The following GALNT15 variants were observed in gnomAD, a reference collection of about 807,000 sequenced individuals.
GALNT15 encodes the protein polypeptide N-acetylgalactosaminyltransferase 15.
Under a neutral mutation model 66.8 loss-of-function variants are expected in GALNT15, and 67 were observed. That is an observed-to-expected ratio of 1.00 (90% CI 0.82 to 1.23). The LOEUF (loss-of-function observed/expected upper bound fraction) is 1.23. Ranked by LOEUF, GALNT15 falls within the 50% of genes most tolerant of loss-of-function variation. GALNT15 has a pLI of 0.00. For synonymous variants in GALNT15, 313 were observed against 311.5 expected, an observed-to-expected ratio of 1.00 and a Z score of -0.05; for missense variants, 827 against 804.3, an observed-to-expected ratio of 1.03 and a Z score of -0.34.
chr3:16,244,371 G>A, the GALNT15 span, among the ~76,000 whole-genome samples: 630 of 152,296 alleles, frequency 4.1e-3, 4 homozygotes, highest in African/African-American at 0.014. Context: ...AGGAAGGAGA[G>A]GAACAGGCAT....
Position 16,211,159 on chromosome 3 carries a change from A to C in GALNT15, c.1115A>C (p.Asp372Ala). 6.2e-7 allele frequency: 1 copy of C among 1,613,900 alleles called. No individual in the cohort carries two copies. The highest frequency in any genetic ancestry group is 8.5e-7 in the Non-Finnish European group (1 of 1,179,902). ...GTGCCCGGAGAGGTGGTGGCCATGG[A>C]CAGACATTACTTCCAAAACACTGGA... ...PVVPGEVVAM[D>A]RHYFQNTGAY... is the part of the protein sequence containing the mutation. Residue 372 changes from aspartate (D) to alanine (A), a missense_variant, in exon 5 of 10, where the codon GAC becomes GCC. By Grantham distance (126) the Asp-to-Ala change is moderately radical. Transcript: ENST00000339732. This position sits in a 1 kb window ranked among gnomAD's most constrained non-coding sequence, Gnocchi z 4.3.
At chr3:16,201,328 C>A (rs887804266) in intron 3 of GALNT15, among the ~76,000 whole-genome samples, 8 of 152,098 alleles carry the variant, frequency 5.3e-5, no homozygotes, top group Non-Finnish European at 1.2e-4. Flanking sequence ...ACTACAGGCG[C>A]CCGCCACCAC....
Position 16,183,471 on chromosome 3 carries a change from T to C in GALNT15, c.539+7781T>C, listed in dbSNP as rs2063488982. ...TTGGCTCTGTGGGATTACTCCCCTGTTAATCTTGACAACCAACTTACACAC... is the reference window on the plus strand; with the variant it reads ...TTGGCTCTGTGGGATTACTCCCCTGCTAATCTTGACAACCAACTTACACAC... On this transcript the variant is annotated intron_variant, in intron 1 of 9. Coordinates refer to ENST00000339732, the MANE Select transcript of GALNT15 (RefSeq NM_054110.5). This position sits in a 1 kb window ranked among gnomAD's most constrained non-coding sequence, Gnocchi z 5.2. 6.6e-6 allele frequency among the ~76,000 whole-genome samples: 1 copy of C among 152,248 alleles called. No homozygotes were observed. The highest frequency in any genetic ancestry group is 6.5e-5 in the Admixed American group (1 of 15,290).
Position 16,200,896 on chromosome 3 carries a change from A to C in GALNT15, c.911+73A>C. 2 of 1,148,206 alleles carry C rather than the reference A, an allele frequency of 1.7e-6. No individual in the cohort carries two copies. The highest frequency in any genetic ancestry group is 1.2e-6 in the Non-Finnish European group (1 of 819,780). 71.1% of individuals were successfully genotyped at this position (1,148,206 alleles called of 1,614,324 possible). A position where few individuals can be genotyped will look rare whatever the true frequency, so the allele number is the denominator to read the frequency against. ...ACAGTCTACAGCATCAGCCACTCAC[A>C]GAGCAACCCACCTATTAATTCCTGA... On this transcript the variant is annotated intron_variant, in intron 3 of 9. Transcript: ENST00000339732. The surrounding 1 kb of genome is among the most constrained non-coding windows in gnomAD (Gnocchi z 4.4).
the GALNT15 span, among the ~76,000 whole-genome samples, chr3:16,240,807 C>A: frequency 5.3e-5 from 8 of 152,182 alleles, no homozygotes; most frequent in Non-Finnish European, 8.8e-5. Flanking sequence ...GACTCCGCAT[C>A]ACCTTCAGAG....
At chr3:16,240,465 G>A in the GALNT15 span, among the ~76,000 whole-genome samples, 3 of 152,112 alleles carry the variant, frequency 2.0e-5, no homozygotes, top group East Asian at 3.9e-4. Context: ...TGGACTCCCT[G>A]GTTTCTGGGA....
At position 16,224,481 on chromosome 3, in the gene GALNT15, A is replaced by G. The variant is rs771273113; in HGVS notation, c.1773+1723A>G. ...AGTCAAATTAATAGAAACAGAAAGT[A>G]AAATAGTGGTTACCAGAGGCAGGCA... On this transcript the variant is annotated intron_variant, in intron 9 of 9. Coordinates refer to ENST00000339732, the MANE Select transcript of GALNT15 (RefSeq NM_054110.5). This position sits in a 1 kb window ranked among gnomAD's most constrained non-coding sequence, Gnocchi z 5.2. 6.6e-6 allele frequency among the ~76,000 whole-genome samples: 1 copy of G among 152,196 alleles called. No homozygotes were observed. The highest frequency in any genetic ancestry group is 2.4e-5 in the African/African-American group (1 of 41,444).
rs1425356234 is a variant in GALNT15, at chr3:16,187,680, G to A, written c.540-8080G>A. ...ATTCCATTTCTTGATGCAAGGAGTG[G>A]CTGACTCACATTATAAAGAAACACG... is the stretch of plus-strand genomic sequence containing the variant. On this transcript the variant is annotated intron_variant, in intron 1 of 9. Coordinates refer to ENST00000339732, the MANE Select transcript of GALNT15 (RefSeq NM_054110.5). This position sits in a 1 kb window ranked among gnomAD's most constrained non-coding sequence, Gnocchi z 5.1. Among the ~76,000 whole-genome samples, 2 of 152,162 alleles carry A rather than the reference G, an allele frequency of 1.3e-5. No individual in the cohort carries two copies. Among genetic ancestry groups the A allele is most frequent in the African/African-American group, 4.8e-5 (2 of 41,436 alleles).
chr3:16,190,091 G>A (rs1318758546), intron 1 of GALNT15, among the ~76,000 whole-genome samples: 1 of 152,192 alleles, frequency 6.6e-6, no homozygotes, highest in African/African-American at 2.4e-5. Context: ...CGCTTTCAGG[G>A]ACTCTATTTG....
In GALNT15 at chr3:16,191,475, C is replaced by A. The variant is rs1454913688; in HGVS notation, c.540-4285C>A. 4 of 313,004 alleles carry A rather than the reference C, an allele frequency of 1.3e-5. No homozygotes were observed. In the East Asian group the frequency reaches 5.1e-4, roughly 40 times the overall value. 19.4% of individuals were successfully genotyped at this position (313,004 alleles called of 1,614,324 possible). On this transcript the variant is annotated intron_variant, in intron 1 of 9. Coordinates refer to ENST00000339732, the MANE Select transcript of GALNT15 (RefSeq NM_054110.5). This position sits in a 1 kb window ranked among gnomAD's most constrained non-coding sequence, Gnocchi z 5.2. ...CCCTACGGCTACCTTTCTGAGGAAACCAAGGCACCCAGAAGCTAAGCAACT... is the reference window on the plus strand; with the variant it reads ...CCCTACGGCTACCTTTCTGAGGAAAACAAGGCACCCAGAAGCTAAGCAACT...
chr3:16,231,181 G>A (rs1181638393), downstream of GALNT15, among the ~76,000 whole-genome samples: 1 of 151,862 alleles, frequency 6.6e-6, no homozygotes, highest in Admixed American at 6.6e-5. The surrounding 1 kb of genome is among the most constrained non-coding windows in gnomAD (Gnocchi z 4.1). Context: ...AGAGCATCAG[G>A]ACAAATACCT....
chr3:16,242,610 T>A, the GALNT15 span, among the ~76,000 whole-genome samples: 1 of 151,240 alleles, frequency 6.6e-6, no homozygotes. This position sits in a 1 kb window ranked among gnomAD's most constrained non-coding sequence, Gnocchi z 5.6. Flanking sequence ...AAAAATAAAA[T>A]AAAATAAAAG....
At chr3:16,236,811 A>G (rs1313614022), downstream of GALNT15, among the ~76,000 whole-genome samples, 1 of 152,236 alleles carries the variant, frequency 6.6e-6, no homozygotes, top group Admixed American at 6.5e-5. Context: ...TTTGGGGGAC[A>G]TAAAGATTCC....
At position 16,175,647 on chromosome 3, in the gene GALNT15, C is replaced by A. The variant is rs375521544; in HGVS notation, c.496C>A (p.Arg166Ser). ...TGGCCTCCAGGAGGCACTCAGTGCC[C>A]GCATCCCCCTCCAGAGGGCTCTGCC... ...PRGLQEALSA[R>S]IPLQRALPEV... Residue 166 changes from arginine to serine, a missense_variant, in exon 1 of 10, where the codon CGC (arginine) becomes AGC (serine). Arg to Ser is a moderately radical substitution (Grantham distance 110, BLOSUM62 -1). Coordinates refer to ENST00000339732, the MANE Select transcript of GALNT15 (RefSeq NM_054110.5). This position sits in a 1 kb window ranked among gnomAD's most constrained non-coding sequence, Gnocchi z 5.6. 6 of 1,610,936 alleles carry A rather than the reference C, an allele frequency of 3.7e-6. No homozygotes were observed. The highest frequency in any genetic ancestry group is 5.1e-6 in the Non-Finnish European group (6 of 1,178,876).
intron 3 of GALNT15, among the ~76,000 whole-genome samples, chr3:16,206,140 G>A (rs2063754074): frequency 6.6e-6 from 1 of 152,162 alleles, no homozygotes; most frequent in Non-Finnish European, 1.5e-5. Flanking sequence ...ACTTTGGGAG[G>A]CCAAGGCTGG....
At position 16,200,970 on chromosome 3, in the gene GALNT15, G is replaced by A. The variant is rs903692846; in HGVS notation, c.911+147G>A. 96 of 581,518 alleles carry A rather than the reference G, an allele frequency of 1.7e-4. No individual in the cohort carries two copies. Among genetic ancestry groups the A allele is most frequent in the Admixed American group, 2.3e-4 (6 of 25,588 alleles). 36.0% of individuals were successfully genotyped at this position (581,518 alleles called of 1,614,324 possible). ...TCCCTTCGGGTTTTCAGATGTGTAA[G>A]TTTTTTAAGACTATAGAGTTAGAGT... On this transcript the variant is annotated intron_variant, in intron 3 of 9. Transcript: ENST00000339732. The surrounding 1 kb of genome is among the most constrained non-coding windows in gnomAD (Gnocchi z 4.4).
intron 6 of GALNT15, among the ~76,000 whole-genome samples, chr3:16,218,125 A>G (rs982178119): frequency 4.6e-5 from 7 of 152,238 alleles, no homozygotes; most frequent in Admixed American, 4.6e-4. Context: ...GGCATTTCTC[A>G]GGCAGATGCT....
chr3:16,235,547 T>A (rs2672563), downstream of GALNT15, among the ~76,000 whole-genome samples: 115,057 of 152,034 alleles, frequency 0.76, 43,828 homozygotes, highest in African/African-American at 0.84. Flanking sequence ...TTCAAACAAT[T>A]TGATAAAGAC....
chr3:16,175,422 CG>C lies in GALNT15; in HGVS notation c.274del (p.Glu92ArgfsTer58). On this transcript the variant is annotated frameshift_variant, in exon 1 of 10. Coordinates refer to ENST00000339732, the MANE Select transcript of GALNT15 (RefSeq NM_054110.5). LOFTEE classifies it high-confidence loss of function. The surrounding 1 kb of genome is among the most constrained non-coding windows in gnomAD (Gnocchi z 5.6). ...LEGLPPFISLREDQLLVAVAL... is the reference protein window; with the variant it reads ...LEGLPPFISLXEDQLLVAVAL... ...GGGCCTGCCACCCTTTATCTCACTG[CG>C]GGAGGATCAGCTGCTGGTGGCCGTG... 6.2e-7 allele frequency: 1 copy of C among 1,614,120 alleles called. No homozygotes were observed. Among genetic ancestry groups the C allele is most frequent in the Non-Finnish European group, 8.5e-7 (1 of 1,180,008 alleles).
Sources: gnomAD v4.1 joint callset for allele counts (sites outside exome capture counted in the v4.1 genomes callset) on GRCh38, gnomAD v4.1.1 for gene constraint, Gnocchi (gnomAD v3.1) non-coding constraint, MANE v1.5 for transcripts, NCBI Gene and HGNC (gene_info 2026-07-23, HGNC 2026-07-21) for gene names.